The following SNTG1 variants were observed in gnomAD, a reference collection of about 807,000 sequenced individuals.
SNTG1 encodes gamma-1-syntrophin.
Under a neutral mutation model 74.7 loss-of-function variants are expected in SNTG1, and 39 were observed. That is an observed-to-expected ratio of 0.52 (90% CI 0.40 to 0.68). The LOEUF is 0.68. Among genes scored for constraint, SNTG1 ranks in the 30% least tolerant of loss-of-function variants. SNTG1 has a pLI of 0.00. For synonymous variants in SNTG1, 254 were observed against 217.1 expected, an observed-to-expected ratio of 1.17 and a Z score of -1.49; for missense variants, 685 against 609.5, an observed-to-expected ratio of 1.12 and a Z score of -1.30.
At chr8:50,468,907 A>G (rs1460705293) in intron 8 of SNTG1, among the ~76,000 whole-genome samples, 1 of 152,154 alleles carries the variant, frequency 6.6e-6, no homozygotes, top group African/African-American at 2.4e-5. Flanking sequence ...CTTTTAACAG[A>G]ATGTTCCCAA....
At chr8:50,299,258 T>C (rs1224023832) in intron 2 of SNTG1, among the ~76,000 whole-genome samples, 1 of 152,114 alleles carries the variant, frequency 6.6e-6, no homozygotes, top group Non-Finnish European at 1.5e-5. Context: ...GATGTGATCA[T>C]AGCTCACTGC....
intron 12 of SNTG1, among the ~76,000 whole-genome samples, chr8:50,565,794 G>A (rs1256987185): frequency 6.6e-6 from 1 of 151,878 alleles, no homozygotes; most frequent in Non-Finnish European, 1.5e-5. Context: ...TGCTATGAGA[G>A]GTTGATTCTG....
chr8:50,177,644 C>T (rs2083049484), intron 2 of SNTG1, among the ~76,000 whole-genome samples: 1 of 152,174 alleles, frequency 6.6e-6, no homozygotes, highest in African/African-American at 2.4e-5. Context: ...GGGCTGGCTT[C>T]ATGGAAACAA....
chr8:50,191,951 G>A (rs1171927148), intron 2 of SNTG1, among the ~76,000 whole-genome samples: 2 of 152,080 alleles, frequency 1.3e-5, no homozygotes, highest in African/African-American at 4.8e-5. Context: ...AATAGCTGGG[G>A]CCTAATTAAA....
chr8:50,064,789 G>A (rs1158906323), intron 1 of SNTG1, among the ~76,000 whole-genome samples: 4 of 152,086 alleles, frequency 2.6e-5, no homozygotes, highest in Middle Eastern at 3.2e-3. Flanking sequence ...TCTGGTTGCA[G>A]CTCCCCTGCT....
chr8:50,339,693 A>G (rs1292271531), intron 2 of SNTG1, among the ~76,000 whole-genome samples: 2 of 151,938 alleles, frequency 1.3e-5, no homozygotes, highest in Non-Finnish European at 2.9e-5. Flanking sequence ...AAAAAGCTCA[A>G]TTACAACCTG....
At chr8:50,233,790 C>G (rs568715517) in intron 2 of SNTG1, among the ~76,000 whole-genome samples, 2 of 151,526 alleles carry the variant, frequency 1.3e-5, no homozygotes, top group East Asian at 3.9e-4. Context: ...CAAATAAGCA[C>G]CTGATAGAAT....
At chr8:49,971,752 A>G (rs1811700803) in intron 1 of SNTG1, among the ~76,000 whole-genome samples, 1 of 152,012 alleles carries the variant, frequency 6.6e-6, no homozygotes, top group Admixed American at 6.6e-5. Context: ...TCATGAGTGA[A>G]CTCCCATTCA....
intron 2 of SNTG1, among the ~76,000 whole-genome samples, chr8:50,373,455 T>C (rs948260177): frequency 6.6e-6 from 1 of 152,216 alleles, no homozygotes; most frequent in Non-Finnish European, 1.5e-5. Flanking sequence ...TTCTTGGTGA[T>C]GTGTAAGATT....
intron 1 of SNTG1, among the ~76,000 whole-genome samples, chr8:49,984,184 T>C (rs1812939357): frequency 1.3e-5 from 2 of 152,024 alleles, no homozygotes; most frequent in African/African-American, 2.4e-5. Flanking sequence ...TAGGGTCAAA[T>C]ATAATTTTTT....
rs532612069 is a variant in SNTG1, at chr8:50,487,121, A to T, written c.364-15657A>T. The stretch of plus-strand genomic sequence containing the variant: ...ATCACTGGCCATCAGAGAAATGCAA[A>T]TCAAAACCACAGTGAGATACCATCT... On this transcript the variant is annotated intron_variant, in intron 8 of 18. Coordinates refer to ENST00000642720, the MANE Select transcript of SNTG1 (RefSeq NM_018967.5). Among the ~76,000 whole-genome samples, 4 of 152,310 alleles carry T rather than the reference A, an allele frequency of 2.6e-5. No individual in the cohort carries two copies. The South Asian group carries it at 8.3e-4, about 32-fold the overall frequency.
intron 1 of SNTG1, among the ~76,000 whole-genome samples, chr8:50,156,304 T>C (rs958693698): frequency 6.6e-6 from 1 of 152,110 alleles, no homozygotes; most frequent in Admixed American, 6.5e-5. Flanking sequence ...AATCCAGTAT[T>C]GTCAAGTGCT....
At chr8:49,974,639 T>C (rs1242377994) in intron 1 of SNTG1, among the ~76,000 whole-genome samples, 3 of 152,120 alleles carry the variant, frequency 2.0e-5, no homozygotes, top group Admixed American at 1.3e-4. Context: ...CTGTGTGACT[T>C]TGTGGTTCCC....
intron 18 of SNTG1, among the ~76,000 whole-genome samples, chr8:50,782,732 G>T (rs1372299912): frequency 6.6e-6 from 1 of 152,162 alleles, no homozygotes; most frequent in African/African-American, 2.4e-5. Context: ...ATCCAGCTTT[G>T]TTCCGTTGCT....
chr8:50,433,774 G>T (rs2093269858), intron 4 of SNTG1, among the ~76,000 whole-genome samples: 1 of 152,152 alleles, frequency 6.6e-6, no homozygotes, highest in African/African-American at 2.4e-5. Context: ...ATAACTTTGT[G>T]TAAGACATAG....
intron 1 of SNTG1, among the ~76,000 whole-genome samples, chr8:49,993,525 T>C (rs1376842132): frequency 1.3e-5 from 2 of 152,092 alleles, no homozygotes; most frequent in African/African-American, 4.8e-5. Flanking sequence ...CTCACACACA[T>C]TAGGTATTTG....
chr8:50,412,324 C>T (rs375252263), intron 4 of SNTG1, among the ~76,000 whole-genome samples: 7 of 152,008 alleles, frequency 4.6e-5, no homozygotes, highest in African/African-American at 1.7e-4. Flanking sequence ...ACCTATTTGT[C>T]TTTCTGTGGG....
At chr8:50,599,822 A>G (rs2094759720) in intron 13 of SNTG1, among the ~76,000 whole-genome samples, 1 of 152,048 alleles carries the variant, frequency 6.6e-6, no homozygotes, top group African/African-American at 2.4e-5. Context: ...TGATTGCTCT[A>G]GCTAGGACTT....
chr8:50,065,939 G>A (rs1404865283), intron 1 of SNTG1, among the ~76,000 whole-genome samples: 3 of 151,934 alleles, frequency 2.0e-5, no homozygotes, highest in Non-Finnish European at 4.4e-5. Context: ...CACATCAGCT[G>A]GGCACTGTGG....
Sources: gnomAD v4.1 joint callset for allele counts (sites outside exome capture counted in the v4.1 genomes callset) on GRCh38, gnomAD v4.1.1 for gene constraint, MANE v1.5 for transcripts, NCBI Gene and HGNC (gene_info 2026-07-23, HGNC 2026-07-21) for gene names.